Variants in ZFP2 observed in about 807,000 individuals in gnomAD.
ZFP2 encodes the protein ZFP2 zinc finger protein, also known as zinc finger protein ZFP2.
ZFP2 carries 33 observed loss-of-function variants against 36.1 expected under a neutral mutation model. The observed-to-expected ratio is 0.92, with a 90% CI of 0.69 to 1.22. ZFP2 has a LOEUF of 1.22. Among genes scored for constraint, ZFP2 ranks in the 50% most tolerant of loss-of-function variants. The probability of loss-of-function intolerance (pLI) is 0.00; values close to 1 mark genes in which losing one functional copy is unlikely to be tolerated. For missense variants in ZFP2, 522 were observed against 551.4 expected (o/e 0.95, Z 0.53); for synonymous variants, 170 against 178.0 (o/e 0.96, Z 0.36).
At chr5:178,904,440 A>T (rs2113058492) in intron 1 of ZFP2, among the ~76,000 whole-genome samples, 2 of 152,246 alleles carry the variant, frequency 1.3e-5, no homozygotes, top group South Asian at 4.2e-4. Context: ...AGGAGATGGC[A>T]TTGGAGCTGA....
intron 4 of ZFP2, among the ~76,000 whole-genome samples, chr5:178,919,967 GAA>G (rs34629379): frequency 0.088 from 12,761 of 145,698 alleles, 680 homozygotes; most frequent in Non-Finnish European, 0.12. Flanking sequence ...TGTCTCAAAA[GAA>G]AAAAAAAAAA....
Position 178,931,743 on chromosome 5 carries a change from T to C in ZFP2, c.430T>C (p.Ser144Pro), listed in dbSNP as rs1358939252. Residue 144 changes from serine (S) to proline (P), a missense_variant, in exon 5 of 5, where the codon TCC becomes CCC. Coordinates refer to ENST00000361362, the MANE Select transcript of ZFP2 (RefSeq NM_030613.4). ...TGGGAAACACTTCATTGAACGATCC[T>C]CCCTTACTGTACATCAAAGAATTCA... The part of the protein sequence containing the change: ...VCGKHFIERS[S>P]LTVHQRIHTG... 2.5e-6 allele frequency: 4 copies of C among 1,613,954 alleles called. No homozygotes were observed. The highest frequency in any genetic ancestry group is 3.4e-6 in the Non-Finnish European group (4 of 1,180,014).
intron 4 of ZFP2, among the ~76,000 whole-genome samples, chr5:178,923,636 T>C (rs889545276): frequency 2.0e-5 from 3 of 149,514 alleles, no homozygotes; most frequent in Admixed American, 6.7e-5. Context: ...GTGCTGACCA[T>C]GTGGAGTTCT....
chr5:178,921,429 C>T (rs1413522416), intron 4 of ZFP2, among the ~76,000 whole-genome samples: 1 of 128,372 alleles, frequency 7.8e-6, no homozygotes, highest in Non-Finnish European at 1.9e-5. Context: ...TCTTGCTACC[C>T]TTCTTGGGAC....
chr5:178,923,337 G>T (rs1758600365), intron 4 of ZFP2, among the ~76,000 whole-genome samples: 1 of 149,354 alleles, frequency 6.7e-6, no homozygotes, highest in Admixed American at 6.7e-5. Flanking sequence ...TCCGCTTTCT[G>T]CCTCTATGAA....
intron 1 of ZFP2, among the ~76,000 whole-genome samples, chr5:178,897,382 G>A (rs1468838273): frequency 6.6e-6 from 1 of 152,102 alleles, no homozygotes; most frequent in African/African-American, 2.4e-5. Context: ...TGATACATAA[G>A]CATGTTTCCT....
In ZFP2 at chr5:178,931,655, C is replaced by G; in HGVS notation, c.342C>G (p.Ser114Arg). The G allele has an allele frequency of 6.2e-7, 1 of 1,614,100 alleles. No homozygotes were observed. Among genetic ancestry groups the G allele is most frequent in the Non-Finnish European group, 8.5e-7 (1 of 1,180,010 alleles). Residue 114 changes from serine (S) to arginine (R), a missense_variant, in exon 5 of 5, where the codon AGC becomes AGG. Physicochemically the swap from Ser to Arg is moderately radical, Grantham distance 110 (BLOSUM62 -1). Coordinates refer to ENST00000361362, the MANE Select transcript of ZFP2 (RefSeq NM_030613.4). ...AGTGCAGCAAAACCTTCAGTCAGAG[C>G]TCATCCCTTCTTAAGCACCAGAGGA... The part of the protein sequence containing the change: ...CNQCSKTFSQ[S>R]SSLLKHQRIH...
intron 3 of ZFP2, among the ~76,000 whole-genome samples, chr5:178,915,376 C>T (rs1268795197): frequency 7.6e-5 from 9 of 118,428 alleles, no homozygotes; most frequent in Middle Eastern, 8.8e-3. Context: ...TGCAGTGGTG[C>T]AGTCTTGGCT....
intron 4 of ZFP2, chr5:178,922,457 G>A: frequency 7.3e-7 from 1 of 1,378,856 alleles, no homozygotes; most frequent in Non-Finnish European, 1.0e-6. Flanking sequence ...ATGTTTGTTA[G>A]GACCAAACCT....
At chr5:178,899,538 A>G in intron 1 of ZFP2, among the ~76,000 whole-genome samples, 1 of 151,894 alleles carries the variant, frequency 6.6e-6, no homozygotes, top group East Asian at 2.0e-4. Context: ...AAGAAATCGG[A>G]TAAAAATTTT....
intron 4 of ZFP2, among the ~76,000 whole-genome samples, chr5:178,923,739 G>T (rs1758608231): frequency 6.8e-6 from 1 of 146,292 alleles, no homozygotes; most frequent in Non-Finnish European, 1.5e-5. Flanking sequence ...TTAAAAATTT[G>T]TAGGTAATCT....
chr5:178,927,666 TGTGTGTGTGTGTGTG>T (rs1758710855), intron 4 of ZFP2, among the ~76,000 whole-genome samples: 3 of 106,080 alleles, frequency 2.8e-5, no homozygotes, highest in Admixed American at 9.0e-5. Context: ...CTGGCCAATG[TGTGTGTGTGTGTGTG>T]TGTGTGTGTG....
chr5:178,896,362 T>C (rs992612587), intron 1 of ZFP2, among the ~76,000 whole-genome samples: 2 of 152,182 alleles, frequency 1.3e-5, no homozygotes, highest in Non-Finnish European at 2.9e-5. Flanking sequence ...CTCCCTGGCT[T>C]TCCCCAGCCG....
intron 1 of ZFP2, among the ~76,000 whole-genome samples, chr5:178,908,473 A>G (rs1758216409): frequency 6.6e-6 from 1 of 151,730 alleles, no homozygotes; most frequent in African/African-American, 2.4e-5. Context: ...ATTACAACCT[A>G]ATTTCAACCA....
At chr5:178,923,302 C>T (rs958186071) in intron 4 of ZFP2, among the ~76,000 whole-genome samples, 8 of 149,658 alleles carry the variant, frequency 5.3e-5, no homozygotes, top group African/African-American at 1.7e-4. Flanking sequence ...ATCCCATTCC[C>T]CGCTTCCGCC....
chr5:178,901,079 C>A (rs1372507062), intron 1 of ZFP2, among the ~76,000 whole-genome samples: 4 of 152,324 alleles, frequency 2.6e-5, no homozygotes, highest in African/African-American at 7.2e-5. Context: ...TTGTGACAGA[C>A]ATTTCAAGTT....
intron 3 of ZFP2, among the ~76,000 whole-genome samples, chr5:178,916,239 G>A (rs1758428549): frequency 6.6e-6 from 1 of 152,154 alleles, no homozygotes; most frequent in Non-Finnish European, 1.5e-5. Context: ...TTGGTGATGA[G>A]GGAGTGGCCT....
At chr5:178,903,275 T>C (rs1490380799) in intron 1 of ZFP2, among the ~76,000 whole-genome samples, 1 of 152,258 alleles carries the variant, frequency 6.6e-6, no homozygotes, top group East Asian at 1.9e-4. Context: ...TGGCCAGTGA[T>C]GGTAGTATGA....
chr5:178,901,244 T>C (rs1581826504), intron 1 of ZFP2, among the ~76,000 whole-genome samples: 1 of 152,248 alleles, frequency 6.6e-6, no homozygotes, highest in African/African-American at 2.4e-5. Flanking sequence ...CCAAAGTATA[T>C]GTACCATTGT....
Sources: gnomAD v4.1 joint callset for allele counts (sites outside exome capture counted in the v4.1 genomes callset) on GRCh38, gnomAD v4.1.1 for gene constraint, MANE v1.5 for transcripts, NCBI Gene and HGNC (gene_info 2026-07-23, HGNC 2026-07-21) for gene names.